CTNNA3: variants seen among roughly 807,000 people sequenced by gnomAD.
The protein encoded by CTNNA3 is catenin alpha-3.
A neutral mutation model predicts 95.7 loss-of-function variants in CTNNA3; 76 were observed. The observed-to-expected ratio is 0.79, with a 90% CI of 0.66 to 0.96. The LOEUF is 0.96. Ranked by LOEUF, CTNNA3 falls within the 40% of genes least tolerant of loss-of-function variation. CTNNA3 has a pLI of 0.00. For missense variants in CTNNA3, 1,191 were observed against 1,089.8 expected (o/e 1.09, Z -1.31); for synonymous variants, 431 against 374.4 (o/e 1.15, Z -1.74).
intron 6 of CTNNA3, among the ~76,000 whole-genome samples, chr10:67,206,919 T>C (rs1008988177): frequency 6.6e-6 from 1 of 152,068 alleles, no homozygotes; most frequent in African/African-American, 2.4e-5. Context: ...TTACTTGAGG[T>C]CAGGCGTTCG....
chr10:66,955,982 G>C (rs961322081), intron 7 of CTNNA3, among the ~76,000 whole-genome samples: 1 of 152,080 alleles, frequency 6.6e-6, no homozygotes. Context: ...TGCCAGAAAG[G>C]GGTGCTCAAA....
At chr10:66,360,857 C>CTTTCTTTT (rs1207441038) in intron 12 of CTNNA3, among the ~76,000 whole-genome samples, 2 of 105,678 alleles carry the variant, frequency 1.9e-5, no homozygotes, top group Non-Finnish European at 3.8e-5. Context: ...TTCTTTCTTT[C>CTTTCTTTT]CTTTCTCTTT....
At chr10:66,229,228 T>C (rs1386408966) in intron 13 of CTNNA3, among the ~76,000 whole-genome samples, 2 of 152,216 alleles carry the variant, frequency 1.3e-5, no homozygotes, top group Admixed American at 6.5e-5. Flanking sequence ...CTGCCTCTTA[T>C]TGTTTAACAT....
chr10:67,345,211 G>C (rs1842364249), intron 5 of CTNNA3, among the ~76,000 whole-genome samples: 1 of 152,044 alleles, frequency 6.6e-6, no homozygotes, highest in Non-Finnish European at 1.5e-5. Flanking sequence ...GAAGATGCTT[G>C]ATATTTCAAT....
chr10:66,657,178 C>T (rs1382024558), intron 9 of CTNNA3, among the ~76,000 whole-genome samples: 5 of 152,024 alleles, frequency 3.3e-5, no homozygotes, highest in Non-Finnish European at 7.4e-5. Flanking sequence ...AAGGTTCATG[C>T]CATATTTTAT....
At chr10:66,532,449 G>A (rs186450991) in intron 10 of CTNNA3, among the ~76,000 whole-genome samples, 104 of 146,906 alleles carry the variant, frequency 7.1e-4, no homozygotes, top group African/African-American at 2.5e-3. Context: ...GTGACAGAGC[G>A]AGACTCCGTC....
rs996838598 is a variant in CTNNA3, at chr10:67,751,184, G to A, written c.-2+12250C>T. ...ACAGAAACTGGAGGGCCCGTAACAT[G>A]TTGCAATCCTCTCATTTGGAGGACT... is the stretch of plus-strand genomic sequence containing the variant. On this transcript the variant is annotated intron_variant, in intron 1 of 17. Coordinates refer to the CTNNA3 transcript ENST00000684154. 9 of 1,273,384 alleles carry A rather than the reference G, an allele frequency of 7.1e-6. No homozygotes were observed. In the South Asian group the frequency reaches 9.5e-5, roughly 13 times the overall value. The allele number at this position is 1,273,384 out of a possible 1,614,324, so 78.9% of individuals were successfully genotyped here.
chr10:67,333,322 A>G (rs1321848865), intron 5 of CTNNA3, among the ~76,000 whole-genome samples: 1 of 152,226 alleles, frequency 6.6e-6, no homozygotes, highest in Non-Finnish European at 1.5e-5. Flanking sequence ...ATCAAAAATA[A>G]CAACAAGCCA....
At chr10:66,764,673 A>C (rs1407287009) in intron 9 of CTNNA3, among the ~76,000 whole-genome samples, 1 of 152,194 alleles carries the variant, frequency 6.6e-6, no homozygotes, top group East Asian at 1.9e-4. Flanking sequence ...ATTTTTAGAT[A>C]ACACTTTTAT....
At chr10:66,473,719 A>G (rs932538852) in intron 11 of CTNNA3, among the ~76,000 whole-genome samples, 1 of 151,664 alleles carries the variant, frequency 6.6e-6, no homozygotes, top group South Asian at 2.1e-4. Context: ...CCTGTGTCCA[A>G]GTGTTCTCAT....
intron 7 of CTNNA3, among the ~76,000 whole-genome samples, chr10:66,863,736 A>G (rs865966571): frequency 4.6e-5 from 7 of 152,096 alleles, no homozygotes; most frequent in Non-Finnish European, 7.4e-5. Context: ...ATAAGCAATC[A>G]GGCATGTTAG....
At chr10:67,672,126 T>C (rs1256294179) in intron 1 of CTNNA3, among the ~76,000 whole-genome samples, 1 of 152,244 alleles carries the variant, frequency 6.6e-6, no homozygotes, top group Non-Finnish European at 1.5e-5. Context: ...ATGAGCATTT[T>C]TTCATGTGTC....
intron 7 of CTNNA3, among the ~76,000 whole-genome samples, chr10:67,142,833 G>A (rs866086645): frequency 6.6e-6 from 1 of 152,156 alleles, no homozygotes; most frequent in Non-Finnish European, 1.5e-5. Context: ...TTGGGAGGCT[G>A]AGGCAGGGGA....
At chr10:66,789,199 T>A (rs10997385) in intron 7 of CTNNA3, among the ~76,000 whole-genome samples, 5 of 152,252 alleles carry the variant, frequency 3.3e-5, no homozygotes, top group Admixed American at 1.3e-4. Context: ...TGTTGTTTTT[T>A]AAGTCTCACT....
At chr10:66,909,224 A>T (rs186932568) in intron 7 of CTNNA3, among the ~76,000 whole-genome samples, 5 of 152,202 alleles carry the variant, frequency 3.3e-5, no homozygotes, top group Admixed American at 2.6e-4. Context: ...TAAATACAAG[A>T]TCACTACCAG....
chr10:66,346,233 AT>A (rs2092513708), intron 12 of CTNNA3, among the ~76,000 whole-genome samples: 1 of 17,422 alleles, frequency 5.7e-5, no homozygotes, highest in African/African-American at 2.7e-4. Flanking sequence ...ATATATATAT[AT>A]ATATATATAT....
intron 15 of CTNNA3, among the ~76,000 whole-genome samples, chr10:66,051,630 G>T (rs1448234557): frequency 6.6e-6 from 1 of 152,196 alleles, no homozygotes; most frequent in Non-Finnish European, 1.5e-5. Flanking sequence ...TTCTCTACAA[G>T]TGAGGATAAA....
chr10:66,624,059 T>C (rs1294438106), intron 9 of CTNNA3, among the ~76,000 whole-genome samples: 2 of 152,178 alleles, frequency 1.3e-5, no homozygotes, highest in African/African-American at 4.8e-5. Flanking sequence ...TGATATCCTT[T>C]GTGTATCTGC....
chr10:66,363,683 G>C (rs1303295497), intron 12 of CTNNA3, among the ~76,000 whole-genome samples: 8 of 152,108 alleles, frequency 5.3e-5, no homozygotes, highest in African/African-American at 1.7e-4. Flanking sequence ...AATTTTGTCA[G>C]AACAAAATAC....
Sources: allele counts gnomAD v4.1 joint callset (sites outside exome capture counted in the v4.1 genomes callset), GRCh38; gene constraint gnomAD v4.1.1; transcripts MANE v1.5; gene names NCBI Gene and HGNC (gene_info 2026-07-23, HGNC 2026-07-21).